RAPGEF4: variants seen among roughly 807,000 people sequenced by gnomAD.
RAPGEF4 encodes the protein Rap guanine nucleotide exchange factor 4.
In RAPGEF4, 66 loss-of-function variants were observed where a neutral mutation model predicts 147.9. The observed-to-expected ratio is 0.45, with a 90% CI of 0.37 to 0.55. The LOEUF is 0.55. Ranked by LOEUF, RAPGEF4 falls within the 20% of genes least tolerant of loss-of-function variation. RAPGEF4 has a pLI of 0.00. For synonymous variants in RAPGEF4, 419 were observed against 442.7 expected (o/e 0.95, Z 0.67); for missense variants, 1,071 against 1,257.3 (o/e 0.85, Z 2.24).
At chr2:173,045,053 C>G (rs975829432) in intron 29 of RAPGEF4, among the ~76,000 whole-genome samples, 1 of 152,196 alleles carries the variant, frequency 6.6e-6, no homozygotes. Context: ...CCCTATATCT[C>G]TTTAACCTTT....
chr2:172,845,482 G>A (rs1195676704), intron 4 of RAPGEF4, among the ~76,000 whole-genome samples: 2 of 152,042 alleles, frequency 1.3e-5, no homozygotes, highest in African/African-American at 4.8e-5. Flanking sequence ...CCAACCAAGG[G>A]GAAGGTGATA....
intron 1 of RAPGEF4, among the ~76,000 whole-genome samples, chr2:172,739,703 G>A (rs930761620): frequency 3.3e-5 from 5 of 152,126 alleles, no homozygotes; most frequent in African/African-American, 9.7e-5. Flanking sequence ...TATTTTTCCC[G>A]TAAGATTTTA....
intron 1 of RAPGEF4, among the ~76,000 whole-genome samples, chr2:172,745,781 T>A (rs1452028485): frequency 6.6e-6 from 1 of 152,192 alleles, no homozygotes; most frequent in Non-Finnish European, 1.5e-5. Context: ...GAACAATTAA[T>A]CAAGCTGATA....
intron 5 of RAPGEF4, among the ~76,000 whole-genome samples, chr2:172,921,758 C>T (rs1272714526): frequency 6.6e-6 from 1 of 152,244 alleles, no homozygotes; most frequent in Non-Finnish European, 1.5e-5. Flanking sequence ...TGGAAACAGC[C>T]TCTGCTGTGC....
chr2:172,865,162 A>C (rs1694494912), intron 4 of RAPGEF4, among the ~76,000 whole-genome samples: 1 of 151,980 alleles, frequency 6.6e-6, no homozygotes, highest in African/African-American at 2.4e-5. Flanking sequence ...CGCCAACCTC[A>C]CTGGACCCCT....
chr2:173,044,194 G>T (rs1387365842), intron 29 of RAPGEF4, among the ~76,000 whole-genome samples: 1 of 150,326 alleles, frequency 6.7e-6, no homozygotes, highest in African/African-American at 2.5e-5. Flanking sequence ...CTGGAAAAGG[G>T]GCCAGGAGTT....
chr2:172,787,780 T>C (rs1161338261), intron 1 of RAPGEF4, among the ~76,000 whole-genome samples: 1 of 151,962 alleles, frequency 6.6e-6, no homozygotes, highest in Non-Finnish European at 1.5e-5. Flanking sequence ...CCAAAATGCT[T>C]GGCTCATTTT....
At chr2:173,039,889 A>G (rs1234880585) in intron 29 of RAPGEF4, among the ~76,000 whole-genome samples, 3 of 152,090 alleles carry the variant, frequency 2.0e-5, no homozygotes, top group Non-Finnish European at 4.4e-5. Context: ...AGAAAGTTTG[A>G]TTTTAGAATT....
chr2:172,995,016 C>T (rs1308173137), intron 15 of RAPGEF4, among the ~76,000 whole-genome samples: 1 of 152,128 alleles, frequency 6.6e-6, no homozygotes, highest in East Asian at 1.9e-4. Flanking sequence ...TCATTCAATA[C>T]CAGAGGTGCT....
chr2:173,048,572 ATCTT>A (rs1437954115), intron 29 of RAPGEF4, 24 bp from the exon 30 acceptor site: 1 of 1,613,630 alleles, frequency 6.2e-7, no homozygotes, highest in Non-Finnish European at 8.5e-7. Context: ...TTGAATTTCT[ATCTT>A]TCTTTTTTCT....
intron 4 of RAPGEF4, among the ~76,000 whole-genome samples, chr2:172,875,853 G>A (rs1369527371): frequency 2.0e-5 from 3 of 152,084 alleles, no homozygotes; most frequent in South Asian, 4.2e-4. Context: ...CCATTTTCAC[G>A]ATCTTGATTC....
At position 173,052,340 on chromosome 2, in the gene RAPGEF4, AG is replaced by A. The variant is rs1686328042; in HGVS notation, c.*575del. On this transcript the variant is annotated 3_prime_UTR_variant, in exon 31 of 31. Coordinates refer to ENST00000397081, the MANE Select transcript of RAPGEF4 (RefSeq NM_007023.4). ...TTATGGCTGTTTATGTAATTTAGGG[AG>A]GACTGGTCTGTAATTTCTGAATGTA... is the stretch of plus-strand genomic sequence containing the variant. 6.6e-6 allele frequency: 1 copy of A among 152,642 alleles called. No individual in the cohort carries two copies. Among genetic ancestry groups the A allele is most frequent in the Non-Finnish European group, 1.5e-5 (1 of 68,068 alleles). 9.5% of individuals were successfully genotyped at this position (152,642 alleles called of 1,614,324 possible). A position where few individuals can be genotyped will look rare whatever the true frequency, so the allele number is the denominator to read the frequency against.
At chr2:173,037,597 A>G (rs1213381010) in intron 29 of RAPGEF4, among the ~76,000 whole-genome samples, 1 of 152,164 alleles carries the variant, frequency 6.6e-6, no homozygotes, top group East Asian at 1.9e-4. Context: ...TGGAATGATC[A>G]TTGTCTTCTG....
intron 6 of RAPGEF4, among the ~76,000 whole-genome samples, chr2:172,940,369 G>A (rs1157311478): frequency 1.3e-5 from 2 of 152,252 alleles, no homozygotes. Context: ...TGGAGGTGAG[G>A]TCTGGTAGGA....
chr2:172,984,281 G>A (rs146373530), intron 11 of RAPGEF4, among the ~76,000 whole-genome samples: 14 of 152,232 alleles, frequency 9.2e-5, no homozygotes, highest in African/African-American at 3.4e-4. Flanking sequence ...AGTATATACT[G>A]AGGTCCCTAA....
chr2:172,798,108 G>T (rs1391101827), intron 3 of RAPGEF4, among the ~76,000 whole-genome samples: 1 of 151,998 alleles, frequency 6.6e-6, no homozygotes, highest in African/African-American at 2.4e-5. Flanking sequence ...TCTCTGCCTT[G>T]TCTTTTCAAA....
intron 4 of RAPGEF4, among the ~76,000 whole-genome samples, chr2:172,897,523 C>A (rs567523907): frequency 9.7e-4 from 148 of 152,174 alleles, no homozygotes; most frequent in African/African-American, 3.4e-3. Context: ...CTCATCCTCC[C>A]AAGTAGCTAG....
At chr2:172,763,523 A>G (rs1696540646) in intron 1 of RAPGEF4, among the ~76,000 whole-genome samples, 1 of 152,212 alleles carries the variant, frequency 6.6e-6, no homozygotes, top group African/African-American at 2.4e-5. Flanking sequence ...GCATGAAAGC[A>G]ATAAACAGGA....
At chr2:173,019,286 C>T (rs192258355) in intron 22 of RAPGEF4, among the ~76,000 whole-genome samples, 18 of 152,292 alleles carry the variant, frequency 1.2e-4, no homozygotes, top group South Asian at 2.1e-4. Context: ...TTTTCCTCCA[C>T]GGGATTACAG....
Sources: allele counts gnomAD v4.1 joint callset (sites outside exome capture counted in the v4.1 genomes callset), GRCh38; gene constraint gnomAD v4.1.1; transcripts MANE v1.5; gene names NCBI Gene and HGNC (gene_info 2026-07-23, HGNC 2026-07-21).